PLCL2: variants seen among roughly 807,000 people sequenced by gnomAD.
PLCL2 encodes phospholipase C like 2.
In PLCL2, 4 loss-of-function variants were observed where a neutral mutation model predicts 79.6. The ratio of observed to expected loss-of-function variants is 0.05; its 90% CI spans 0.02 to 0.11. PLCL2 has a LOEUF of 0.11. Ranked by LOEUF, PLCL2 falls within the 10% of genes least tolerant of loss-of-function variation. The pLI is 1.00. For missense variants in PLCL2, 895 were observed against 1,291.0 expected (o/e 0.69, Z 4.70); for synonymous variants, 484 against 457.7 (o/e 1.06, Z -0.73).
At chr3:16,917,665 C>T (rs1036590867) in intron 1 of PLCL2, among the ~76,000 whole-genome samples, 1 of 152,172 alleles carries the variant, frequency 6.6e-6, no homozygotes, top group African/African-American at 2.4e-5. Context: ...GTTGGATGTT[C>T]CCCAGAGTAA....
chr3:16,939,226 G>C (rs1392728816), intron 1 of PLCL2, among the ~76,000 whole-genome samples: 2 of 152,300 alleles, frequency 1.3e-5, no homozygotes, highest in South Asian at 4.1e-4. Flanking sequence ...TGGATTAGTA[G>C]TCCAAACTAC....
At position 16,885,151 on chromosome 3, in the gene PLCL2, G is replaced by C; in HGVS notation, c.112G>C (p.Gly38Arg). The change falls in exon 1 of 6, where the codon GGG becomes CGG. Residue 38 changes from glycine to arginine, a missense_variant. This residue lies in a region of PLCL2 where 110 missense variants were observed against 42.9 expected (regional missense o/e 2.56). Coordinates refer to ENST00000615277, the MANE Select transcript of PLCL2 (RefSeq NM_001144382.2). ...LKAGVGEGGG[G>R]GGRLGHGRAR... ...AGCCGGAGTGGGGGAAGGCGGTGGCGGGGGAGGTCGCCTCGGCCACGGGCG... is the reference window on the plus strand; with the variant it reads ...AGCCGGAGTGGGGGAAGGCGGTGGCCGGGGAGGTCGCCTCGGCCACGGGCG... 1 of 516,094 alleles carries C rather than the reference G, an allele frequency of 1.9e-6. No homozygotes were observed. The highest frequency in any genetic ancestry group is 2.5e-5 in the South Asian group (1 of 40,596). The allele number at this position is 516,094 out of a possible 1,614,324, so 32.0% of individuals were successfully genotyped here.
intron 1 of PLCL2, among the ~76,000 whole-genome samples, chr3:16,910,596 A>G (rs1696855887): frequency 6.6e-6 from 1 of 151,988 alleles, no homozygotes; most frequent in African/African-American, 2.4e-5. Flanking sequence ...CTATCCTGAT[A>G]TTCTCATCCC....
chr3:16,955,818 G>A (rs2124963704), intron 1 of PLCL2, among the ~76,000 whole-genome samples: 1 of 152,202 alleles, frequency 6.6e-6, no homozygotes, highest in Non-Finnish European at 1.5e-5. Context: ...CTCATGATTT[G>A]GCTCTCTGTT....
intron 1 of PLCL2, among the ~76,000 whole-genome samples, chr3:16,951,086 C>G (rs958198885): frequency 6.6e-6 from 1 of 152,050 alleles, no homozygotes; most frequent in African/African-American, 2.4e-5. Flanking sequence ...TTTGAGAAAC[C>G]CTGTGCTAGA....
intron 5 of PLCL2, among the ~76,000 whole-genome samples, chr3:17,086,904 T>C (rs554626508): frequency 6.6e-6 from 1 of 152,350 alleles, no homozygotes; most frequent in African/African-American, 2.4e-5. Flanking sequence ...GAAAGTATAT[T>C]AGCATCACAT....
intron 5 of PLCL2, among the ~76,000 whole-genome samples, chr3:17,084,399 T>C (rs1246606020): frequency 6.6e-6 from 1 of 152,120 alleles, no homozygotes; most frequent in Non-Finnish European, 1.5e-5. Context: ...TTCCAGAAAA[T>C]AGAAGCAGAG....
At chr3:16,964,747 G>A (rs1271576352) in intron 1 of PLCL2, among the ~76,000 whole-genome samples, 3 of 152,116 alleles carry the variant, frequency 2.0e-5, no homozygotes, top group African/African-American at 4.8e-5. Context: ...TTGTGGTTTT[G>A]ATTTGCATTT....
At chr3:17,023,141 C>G (rs1030614103) in intron 3 of PLCL2, among the ~76,000 whole-genome samples, 1 of 152,126 alleles carries the variant, frequency 6.6e-6, no homozygotes, top group Non-Finnish European at 1.5e-5. Context: ...GGGGGATTTC[C>G]CAGCTCCAAC....
Position 17,009,908 on chromosome 3 carries a change from A to G in PLCL2, c.562A>G (p.Ile188Val), listed in dbSNP as rs762497210. The change falls in exon 2 of 6, where the codon ATT (isoleucine) becomes GTT (valine). Residue 188 changes from isoleucine to valine, a missense_variant. Coordinates refer to ENST00000615277, the MANE Select transcript of PLCL2 (RefSeq NM_001144382.2). This position sits in a 1 kb window ranked among gnomAD's most constrained non-coding sequence, Gnocchi z 4.0. ...KKDSEKAKID[I>V]KSIKEVRTGK... ...GGATTCTGAGAAAGCCAAGATTGACATTAAATCCATCAAGGAAGTGAGAAC... is the reference window on the plus strand; with the variant it reads ...GGATTCTGAGAAAGCCAAGATTGACGTTAAATCCATCAAGGAAGTGAGAAC... 3.1e-6 allele frequency: 5 copies of G among 1,613,456 alleles called. No homozygotes were observed. Among genetic ancestry groups the G allele is most frequent in the African/African-American group, 2.7e-5 (2 of 74,938 alleles).
At chr3:16,912,335 G>A (rs1444639857) in intron 1 of PLCL2, among the ~76,000 whole-genome samples, 1 of 152,130 alleles carries the variant, frequency 6.6e-6, no homozygotes. Context: ...GATGAAACAA[G>A]TAGGTAGAAT....
At chr3:17,000,769 G>A (rs570317750) in intron 1 of PLCL2, among the ~76,000 whole-genome samples, 15 of 151,982 alleles carry the variant, frequency 9.9e-5, no homozygotes, top group African/African-American at 3.6e-4. Flanking sequence ...CTTTTTATGG[G>A]TGAATAATAT....
intron 1 of PLCL2, among the ~76,000 whole-genome samples, chr3:16,923,523 A>G (rs1697173392): frequency 6.6e-6 from 1 of 152,166 alleles, no homozygotes; most frequent in African/African-American, 2.4e-5. Context: ...TTGATAAGGA[A>G]TTCTATTCTT....
At chr3:16,892,729 A>G (rs947192462) in intron 1 of PLCL2, among the ~76,000 whole-genome samples, 2 of 152,224 alleles carry the variant, frequency 1.3e-5, no homozygotes, top group Non-Finnish European at 2.9e-5. Context: ...AAGAAGAGAT[A>G]CTAGGAGATG....
rs879262676 is a variant in PLCL2, at chr3:17,049,047, CTATTT to C, written c.3094+6100_3094+6104del. ...AAAAAAGAAAAGAAAATTCATGAAG[CTATTT>C]TTGCAGCCATACCAGCAGGTACGAA... On this transcript the variant is annotated intron_variant, in intron 4 of 5. Coordinates refer to ENST00000615277, the MANE Select transcript of PLCL2 (RefSeq NM_001144382.2). Among the ~76,000 whole-genome samples the C allele has an allele frequency of 6.0e-4, 92 of 152,174 alleles. No homozygotes were observed. The South Asian group carries it at 7.7e-3, about 13-fold the overall frequency.
chr3:16,971,244 G>A (rs1413348529), intron 1 of PLCL2, among the ~76,000 whole-genome samples: 10 of 151,926 alleles, frequency 6.6e-5, no homozygotes, highest in African/African-American at 1.5e-4. Context: ...TTTGTATAAG[G>A]TGTAAGGAAG....
At chr3:17,068,654 A>G (rs1256779082) in intron 5 of PLCL2, among the ~76,000 whole-genome samples, 1 of 152,172 alleles carries the variant, frequency 6.6e-6, no homozygotes, top group African/African-American at 2.4e-5. Flanking sequence ...TAAAAATAAT[A>G]TATTTTCATT....
chr3:17,027,413 G>T (rs2064528783), intron 3 of PLCL2, among the ~76,000 whole-genome samples: 1 of 152,190 alleles, frequency 6.6e-6, no homozygotes, highest in African/African-American at 2.4e-5. Flanking sequence ...TACTATCAAT[G>T]ACTGCTTTCT....
chr3:17,019,015 A>T (rs1575589845), intron 3 of PLCL2, among the ~76,000 whole-genome samples: 1 of 152,208 alleles, frequency 6.6e-6, no homozygotes, highest in African/African-American at 2.4e-5. Context: ...ATGATAGACA[A>T]TAGATAGTAA....
Sources: gnomAD v4.1 joint callset for allele counts (sites outside exome capture counted in the v4.1 genomes callset) on GRCh38, gnomAD v4.1.1 for gene constraint, gnomAD v4.1.1 regional missense constraint, Gnocchi (gnomAD v3.1) non-coding constraint, MANE v1.5 for transcripts, NCBI Gene and HGNC (gene_info 2026-07-23, HGNC 2026-07-21) for gene names.